The following FOXP2 variants were observed in gnomAD, a reference collection of about 807,000 sequenced individuals.
FOXP2 encodes forkhead box P2.
A neutral mutation model predicts 115.8 loss-of-function variants in FOXP2; 12 were observed. The observed-to-expected ratio is 0.10, with a 90% CI of 0.07 to 0.17. The LOEUF (loss-of-function observed/expected upper bound fraction) is 0.17. FOXP2 is among the 10% of genes least tolerant of loss of function. FOXP2 has a pLI of 1.00. For synonymous variants in FOXP2, 328 were observed against 297.7 expected (o/e 1.10, Z -1.05); for missense variants, 629 against 843.5 (o/e 0.75, Z 3.15).
intron 2 of FOXP2, among the ~76,000 whole-genome samples, chr7:114,391,722 C>T (rs568297220): frequency 6.6e-6 from 1 of 152,170 alleles, no homozygotes; most frequent in African/African-American, 2.4e-5. Flanking sequence ...GCCTTTCTGT[C>T]CATGGCTAAC....
intron 1 of FOXP2, among the ~76,000 whole-genome samples, chr7:114,104,699 T>C (rs1791068437): frequency 6.6e-6 from 1 of 152,032 alleles, no homozygotes; most frequent in Non-Finnish European, 1.5e-5. Flanking sequence ...TTAGAATGTT[T>C]CTTGATGTGG....
intron 16 of FOXP2, among the ~76,000 whole-genome samples, chr7:114,683,781 A>G (rs1213831485): frequency 2.0e-5 from 3 of 152,140 alleles, no homozygotes; most frequent in East Asian, 3.9e-4. Context: ...ACTGAAAACA[A>G]TGTTTCTGGG....
intron 1 of FOXP2, among the ~76,000 whole-genome samples, chr7:114,148,776 C>T (rs529056835): frequency 9.0e-4 from 137 of 152,226 alleles, no homozygotes; most frequent in Non-Finnish European, 1.7e-3. Flanking sequence ...GTTCCTTTTT[C>T]TTCATCAATC....
At chr7:114,210,009 A>G (rs534167446) in intron 1 of FOXP2, among the ~76,000 whole-genome samples, 2 of 152,136 alleles carry the variant, frequency 1.3e-5, no homozygotes, top group African/African-American at 2.4e-5. Context: ...CATACTGGCT[A>G]TTTTGGCTGT....
intron 2 of FOXP2, among the ~76,000 whole-genome samples, chr7:114,331,330 G>C (rs2050139435): frequency 6.6e-6 from 1 of 152,132 alleles, no homozygotes; most frequent in Admixed American, 6.5e-5. Flanking sequence ...AGGTTAATGT[G>C]ATAGCAATAA....
chr7:114,651,374 C>T (rs1469826482), intron 8 of FOXP2, among the ~76,000 whole-genome samples: 2 of 151,986 alleles, frequency 1.3e-5, no homozygotes, highest in East Asian at 1.9e-4. Flanking sequence ...GCATCAAAGA[C>T]ATTATGTATT....
At position 114,662,117 on chromosome 7, in the gene FOXP2, A is replaced by T. The variant is rs1250616703; in HGVS notation, c.1700A>T (p.Asn567Ile). 6.2e-7 allele frequency: 1 copy of T among 1,612,968 alleles called. No individual in the cohort carries two copies. The highest frequency in any genetic ancestry group is 1.7e-5 in the Admixed American group (1 of 59,914). The change falls in exon 14 of 17, where the codon AAT becomes ATT. Residue 567 changes from asparagine to isoleucine, a missense_variant. Asn to Ile is a moderately radical substitution (Grantham distance 149). This residue lies in a region of FOXP2 where 40 missense variants were observed against 75.3 expected (regional missense o/e 0.53). Coordinates refer to ENST00000350908, the MANE Select transcript of FOXP2 (RefSeq NM_014491.4). ...SLHKCFVRVE[N>I]VKGAVWTVDE... is the part of the protein sequence containing the mutation. ...CACAAGTGTTTTGTTCGAGTAGAAAATGTTAAAGGAGCAGTATGGACTGTG... is the reference window on the plus strand; with the variant it reads ...CACAAGTGTTTTGTTCGAGTAGAAATTGTTAAAGGAGCAGTATGGACTGTG...
intron 8 of FOXP2, among the ~76,000 whole-genome samples, chr7:114,648,046 G>T (rs185923075): frequency 2.0e-5 from 3 of 152,158 alleles, no homozygotes; most frequent in African/African-American, 7.2e-5. Context: ...TTTAAGGCTT[G>T]ATACTATATG....
chr7:114,151,086 AT>A (rs899365753), intron 1 of FOXP2, among the ~76,000 whole-genome samples: 10 of 152,004 alleles, frequency 6.6e-5, no homozygotes, highest in Non-Finnish European at 1.5e-4. Flanking sequence ...TCTAAATGGT[AT>A]TTTAATTCTT....
intron 5 of FOXP2, chr7:114,631,113 A>T (rs1458858177): frequency 1.8e-5 from 4 of 221,672 alleles, no homozygotes; most frequent in African/African-American, 9.2e-5. Flanking sequence ...CTAATAGATC[A>T]CCAGAGACCA....
At chr7:114,145,213 C>G (rs1584505664) in intron 1 of FOXP2, among the ~76,000 whole-genome samples, 1 of 152,210 alleles carries the variant, frequency 6.6e-6, no homozygotes, top group East Asian at 1.9e-4. Flanking sequence ...AAATAAAATA[C>G]TGTTTTATAA....
At chr7:114,325,689 G>A (rs923342091) in intron 2 of FOXP2, among the ~76,000 whole-genome samples, 12 of 151,882 alleles carry the variant, frequency 7.9e-5, no homozygotes, top group African/African-American at 2.9e-4. Context: ...AATATATGGA[G>A]GAAAATAATA....
intron 3 of FOXP2, chr7:114,613,738 A>G (rs1803766689): frequency 6.6e-6 from 1 of 151,686 alleles, no homozygotes; most frequent in African/African-American, 2.4e-5. Flanking sequence ...AGCAAGACAT[A>G]AAGAGTCTCC....
chr7:114,093,141 G>A (rs1799576507), intron 1 of FOXP2, among the ~76,000 whole-genome samples: 1 of 152,044 alleles, frequency 6.6e-6, no homozygotes, highest in Non-Finnish European at 1.5e-5. Flanking sequence ...AGGTCTTGTT[G>A]TTTTTTCTCT....
At chr7:114,397,405 A>C (rs1792770938) in intron 2 of FOXP2, among the ~76,000 whole-genome samples, 1 of 152,156 alleles carries the variant, frequency 6.6e-6, no homozygotes, top group Non-Finnish European at 1.5e-5. Context: ...AAACATAGAA[A>C]AATCAACATT....
At position 114,358,536 on chromosome 7, in the gene FOXP2, C is replaced by G. The variant is rs117861605; in HGVS notation, c.-10-67966C>G. ...CTAGAGACTTGGAGGGCTCAGAAGA[C>G]AGGGAAAGTTTGGAGCTTCCTAGAG... On this transcript the variant is annotated intron_variant, in intron 2 of 17. Coordinates refer to the FOXP2 transcript ENST00000634411. 1.2e-4 allele frequency among the ~76,000 whole-genome samples: 19 copies of G among 152,216 alleles called. No homozygotes were observed. In the East Asian group the frequency reaches 1.4e-3, roughly 11 times the overall value.
At chr7:114,420,192 T>C (rs1793555339) in intron 1 of FOXP2, among the ~76,000 whole-genome samples, 1 of 151,748 alleles carries the variant, frequency 6.6e-6, no homozygotes, top group Non-Finnish European at 1.5e-5. Flanking sequence ...ACAAGAGAAG[T>C]ACATACTCAG....
intron 2 of FOXP2, among the ~76,000 whole-genome samples, chr7:114,378,490 T>G (rs1179558442): frequency 1.3e-5 from 2 of 151,348 alleles, no homozygotes; most frequent in Non-Finnish European, 2.9e-5. Context: ...TTGAAACCAG[T>G]CTGGGCAACA....
At chr7:114,656,280 A>G (rs1386870010) in intron 10 of FOXP2, among the ~76,000 whole-genome samples, 1 of 150,966 alleles carries the variant, frequency 6.6e-6, no homozygotes, top group Admixed American at 6.6e-5. Flanking sequence ...CTGGTTTGCA[A>G]TTCTAAAAGT....
Sources: allele counts gnomAD v4.1 joint callset (sites outside exome capture counted in the v4.1 genomes callset), GRCh38; gene constraint gnomAD v4.1.1; regional missense constraint gnomAD v4.1.1; transcripts MANE v1.5; gene names NCBI Gene and HGNC (gene_info 2026-07-23, HGNC 2026-07-21).